Variants in GTF2H2C observed in about 807,000 individuals in gnomAD.
GTF2H2C encodes general transcription factor IIH subunit 2-like protein.
A neutral mutation model predicts 24.8 loss-of-function variants in GTF2H2C; 5 were observed. The ratio of observed to expected loss-of-function variants is 0.20; its 90% confidence interval spans 0.11 to 0.42. The LOEUF is 0.42. Among genes scored for constraint, GTF2H2C ranks in the 20% least tolerant of loss-of-function variants. The pLI is 1.00. For missense variants in GTF2H2C, 45 were observed against 169.8 expected, an observed-to-expected ratio of 0.27 and a Z score of 4.08; for synonymous variants, 14 against 52.6, an observed-to-expected ratio of 0.27 and a Z score of 3.18.
At chr5:69,561,760 T>A (rs1241086809) in intron 1 of GTF2H2C, among the ~76,000 whole-genome samples, 1 of 151,682 alleles carries the variant, frequency 6.6e-6, no homozygotes, top group South Asian at 2.1e-4. Context: ...CCTCCCACTT[T>A]TGCTTCCCAA....
intron 4 of GTF2H2C, 107 bp downstream of exon 4, chr5:69,566,315 C>G: frequency 6.7e-7 from 1 of 1,488,730 alleles, no homozygotes; most frequent in East Asian, 2.3e-5. Context: ...TTCAGGGAAA[C>G]TGACCTATTG....
intron 2 of GTF2H2C, among the ~76,000 whole-genome samples, chr5:69,564,801 C>T (rs1227711200): frequency 6.6e-6 from 1 of 151,256 alleles, no homozygotes; most frequent in Non-Finnish European, 1.5e-5. Context: ...ACTGACTCCT[C>T]ACAAGTCTAC....
Position 69,566,403 on chromosome 5 carries a change from C to T in GTF2H2C, c.135-186C>T, listed in dbSNP as rs1232225745. 1.1e-5 allele frequency: 13 copies of T among 1,172,088 alleles called. 1 individual carries two copies. Among genetic ancestry groups the T allele is most frequent in the Middle Eastern group, 2.1e-4 (1 of 4,828 alleles). 72.6% of individuals were successfully genotyped at this position (1,172,088 alleles called of 1,614,324 possible). ...TGGTCTTTAGAGACTGTCTACAATACCTATAATTATGTGTATTGTATTCCA... is the reference window on the plus strand; with the variant it reads ...TGGTCTTTAGAGACTGTCTACAATATCTATAATTATGTGTATTGTATTCCA... On this transcript the variant is annotated intron_variant, in intron 4 of 16. Coordinates refer to ENST00000380729, the MANE Select transcript of GTF2H2C (RefSeq NM_001376000.2).
intron 2 of GTF2H2C, among the ~76,000 whole-genome samples, chr5:69,563,222 T>G (rs1481702461): frequency 1.8e-4 from 26 of 146,178 alleles, no homozygotes; most frequent in Admixed American, 4.7e-4. Context: ...TTTTTTTTTT[T>G]TTTTTTTTTT....
chr5:69,560,789 C>T (rs568182759), intron 1 of GTF2H2C, among the ~76,000 whole-genome samples: 12 of 152,136 alleles, frequency 7.9e-5, no homozygotes, highest in African/African-American at 2.9e-4. Flanking sequence ...GACGGAGTCT[C>T]GCCCTGTCGC....
At chr5:69,590,137 G>A (rs1414739066) in intron 15 of GTF2H2C, among the ~76,000 whole-genome samples, 191 bp from the exon 16 acceptor site, 2 of 148,838 alleles carry the variant, frequency 1.3e-5, no homozygotes, top group Non-Finnish European at 3.0e-5. Flanking sequence ...CACCCGCCTC[G>A]GCCTCCCAAA....
At chr5:69,591,342 A>C (rs1580659715) in intron 16 of GTF2H2C, among the ~76,000 whole-genome samples, 3 of 72,330 alleles carry the variant, frequency 4.1e-5, no homozygotes, top group East Asian at 3.9e-4. Flanking sequence ...CAAGCAATCC[A>C]CCCGCCTTGG....
rs766645468 is a variant in GTF2H2C at position 69,572,556 on chromosome 5, T to G, written c.470+6T>G. 5.5e-6 allele frequency: 8 copies of G among 1,443,610 alleles called. No homozygotes were observed. The Middle Eastern group carries it at 7.5e-4, about 135-fold the overall frequency. 89.4% of individuals were successfully genotyped at this position (1,443,610 alleles called of 1,614,324 possible). A position where few individuals can be genotyped will look rare whatever the true frequency, so the allele number is the denominator to read the frequency against. On this transcript the variant is annotated splice_donor_region_variant and intron_variant, in intron 9 of 16. Transcript: ENST00000380729. ...ATGGCTATGCAGACTCTAAAGTTAG[T>G]ATTATACATTATGTATAATTGAATT...
chr5:69,573,145 T>TACATAC (rs1771162846), intron 9 of GTF2H2C, among the ~76,000 whole-genome samples: 1 of 117,440 alleles, frequency 8.5e-6, no homozygotes, highest in Non-Finnish European at 1.8e-5. Flanking sequence ...CTATTATATA[T>TACATAC]ACACACACAC....
rs1174187959 is a variant in GTF2H2C at position 69,593,938 on chromosome 5, G to GAAAAAAAAAAAAAAAAAAAAAA, written c.*1745_*1766dup. Reference sequence around the variant, plus strand: ...GCGACAGAGCTAGACTCTGTCTCAAGAAAAAAAAAAAAAAAAAAAAAAAAA... The same window carrying GAAAAAAAAAAAAAAAAAAAAAA: ...GCGACAGAGCTAGACTCTGTCTCAAGAAAAAAAAAAAAAAAAAAAAAAAAAAAAAAAAAAAAAAAAAAAAAAA... On this transcript the variant is annotated 3_prime_UTR_variant, in exon 17 of 17. Coordinates refer to ENST00000380729, the MANE Select transcript of GTF2H2C (RefSeq NM_001376000.2). Among the ~76,000 whole-genome samples, 1 of 41,768 alleles carries GAAAAAAAAAAAAAAAAAAAAAA rather than the reference G, an allele frequency of 2.4e-5. No individual in the cohort carries two copies. Among genetic ancestry groups the GAAAAAAAAAAAAAAAAAAAAAA allele is most frequent in the African/African-American group, 1.1e-4 (1 of 9,470 alleles). 27.4% of individuals were successfully genotyped at this position (41,768 alleles called of 152,430 possible). A position where few individuals can be genotyped will look rare whatever the true frequency, so the allele number is the denominator to read the frequency against.
At chr5:69,563,211 T>G (rs1770499179) in intron 2 of GTF2H2C, among the ~76,000 whole-genome samples, 1 of 125,294 alleles carries the variant, frequency 8.0e-6, no homozygotes, top group Non-Finnish European at 1.5e-5. Flanking sequence ...CGGCCTGGTT[T>G]TTTTTTTTTT....
At chr5:69,568,335 A>T (rs1436829721) in intron 8 of GTF2H2C, 128 bp downstream of exon 8, 1 of 457,158 alleles carries the variant, frequency 2.2e-6, no homozygotes, top group African/African-American at 2.3e-5. Flanking sequence ...TAGGTGAAAC[A>T]ATTTAATAAC....
chr5:69,573,203 C>T (rs1236005757), intron 9 of GTF2H2C, among the ~76,000 whole-genome samples: 1 of 139,138 alleles, frequency 7.2e-6, no homozygotes, highest in African/African-American at 2.7e-5. Context: ...TATATTTTTT[C>T]GAGACAGAGT....
rs67773295 is a variant in GTF2H2C at position 69,594,436 on chromosome 5, T to TACAC, written c.*2277_*2280dup. The stretch of plus-strand genomic sequence containing the variant: ...GGAGCCCAGGAATATTCATTTTTAA[T>TACAC]ACACACACACACACACACACACACA... On this transcript the variant is annotated 3_prime_UTR_variant, in exon 17 of 17. Transcript: ENST00000380729. The TACAC allele has an allele frequency of 0.23, 32,747 of 143,856 alleles. 1,425 individuals are homozygous for TACAC. Among genetic ancestry groups the TACAC allele is most frequent in the African/African-American group, 0.27 (10,740 of 39,728 alleles). The allele number at this position is 143,856 out of a possible 1,614,324, so 8.9% of individuals were successfully genotyped here. A position where few individuals can be genotyped will look rare whatever the true frequency, so the allele number is the denominator to read the frequency against.
At chr5:69,560,845 C>A (rs1770278178) in intron 1 of GTF2H2C, among the ~76,000 whole-genome samples, 1 of 151,962 alleles carries the variant, frequency 6.6e-6, no homozygotes, top group Non-Finnish European at 1.5e-5. Context: ...GCAACCTCCA[C>A]CTCCCGGGTT....
intron 2 of GTF2H2C, among the ~76,000 whole-genome samples, chr5:69,564,842 T>C (rs1296695559): frequency 6.6e-6 from 1 of 151,990 alleles, no homozygotes. Context: ...TATAAAGCAT[T>C]TTTGTTCTTT....
intron 1 of GTF2H2C, among the ~76,000 whole-genome samples, chr5:69,562,311 C>T (rs1010722399): frequency 5.9e-5 from 9 of 151,640 alleles, no homozygotes; most frequent in African/African-American, 9.7e-5. Context: ...AGTGAAACTC[C>T]GCCTTAAAAC....
At chr5:69,562,430 A>G (rs1406789649) in intron 1 of GTF2H2C, among the ~76,000 whole-genome samples, 3 of 151,448 alleles carry the variant, frequency 2.0e-5, no homozygotes, top group African/African-American at 2.4e-5. Flanking sequence ...AATATAAAAC[A>G]TGGCAAAACC....
intron 7 of GTF2H2C, 35 bp from the exon 8 acceptor site, chr5:69,568,118 G>A: frequency 2.8e-6 from 1 of 359,498 alleles, no homozygotes; most frequent in Non-Finnish European, 4.7e-6. Context: ...GAAATAACTT[G>A]TTATATTAAT....
Sources: allele counts gnomAD v4.1 joint callset (sites outside exome capture counted in the v4.1 genomes callset), GRCh38; gene constraint gnomAD v4.1.1; transcripts MANE v1.5; gene names NCBI Gene and HGNC (gene_info 2026-07-23, HGNC 2026-07-21).